The following ESRRG variants were observed in gnomAD, a reference collection of about 807,000 sequenced individuals.
ESRRG encodes estrogen related receptor gamma, also known as estrogen-related receptor gamma.
A neutral mutation model predicts 44.0 loss-of-function variants in ESRRG; 13 were observed. That is an observed-to-expected ratio of 0.30 (90% CI 0.19 to 0.47). The LOEUF is 0.47. ESRRG is among the 20% of genes least tolerant of loss of function. ESRRG has a pLI of 1.00. For missense variants in ESRRG, 395 were observed against 580.6 expected, an observed-to-expected ratio of 0.68 and a Z score of 3.29; for synonymous variants, 215 against 214.6, an observed-to-expected ratio of 1.00 and a Z score of -0.02.
At chr1:217,100,942 T>C (rs918637849) in intron 1 of ESRRG, among the ~76,000 whole-genome samples, 1 of 152,242 alleles carries the variant, frequency 6.6e-6, no homozygotes, top group Admixed American at 6.5e-5. Flanking sequence ...AGTCTTCCTC[T>C]ACTTTATGGC....
At chr1:216,567,411 G>T (rs544283475) in intron 4 of ESRRG, among the ~76,000 whole-genome samples, 8 of 151,948 alleles carry the variant, frequency 5.3e-5, no homozygotes, top group Non-Finnish European at 1.2e-4. Flanking sequence ...AATTCATACC[G>T]TCCATAAGGG....
At chr1:216,775,737 T>A (rs967846327) in intron 2 of ESRRG, among the ~76,000 whole-genome samples, 2 of 151,718 alleles carry the variant, frequency 1.3e-5, no homozygotes, top group African/African-American at 4.8e-5. Flanking sequence ...TTTATTTTTG[T>A]ATTTTTTTGT....
chr1:216,782,207 A>G (rs902281524), intron 2 of ESRRG, among the ~76,000 whole-genome samples: 1 of 152,110 alleles, frequency 6.6e-6, no homozygotes, highest in Non-Finnish European at 1.5e-5. Flanking sequence ...CTTACATACA[A>G]TAAGGCTGGT....
chr1:216,529,180 C>G (rs2048544639), intron 5 of ESRRG, among the ~76,000 whole-genome samples: 1 of 152,090 alleles, frequency 6.6e-6, no homozygotes, highest in Admixed American at 6.6e-5. Flanking sequence ...TGCAAATAAT[C>G]TGGGCAAGTC....
At chr1:217,064,385 A>G (rs1262190714) in intron 1 of ESRRG, among the ~76,000 whole-genome samples, 2 of 152,180 alleles carry the variant, frequency 1.3e-5, no homozygotes, top group African/African-American at 4.8e-5. Context: ...ATATAATTTG[A>G]TTCATTTTAT....
At chr1:216,928,383 T>C (rs1010214360) in intron 2 of ESRRG, among the ~76,000 whole-genome samples, 2 of 152,056 alleles carry the variant, frequency 1.3e-5, no homozygotes, top group African/African-American at 4.8e-5. Context: ...CAAGGGAAGG[T>C]TAAAAAGAGG....
At chr1:216,870,340 C>T (rs529596657) in intron 2 of ESRRG, among the ~76,000 whole-genome samples, 156 of 150,742 alleles carry the variant, frequency 1.0e-3, no homozygotes, top group Non-Finnish European at 1.8e-3. Flanking sequence ...ATAAACCTCA[C>T]TTTGTTATTA....
intron 5 of ESRRG, among the ~76,000 whole-genome samples, chr1:216,525,482 T>TG (rs1397444611): frequency 2.0e-5 from 3 of 149,786 alleles, no homozygotes; most frequent in African/African-American, 7.6e-5. Context: ...AGAAAAAATG[T>TG]GGGGGGGCAT....
At chr1:216,707,403 A>G in intron 1 of ESRRG, 1 of 1,535,990 alleles carries the variant, frequency 6.5e-7, no homozygotes, top group East Asian at 2.4e-5. Context: ...TGACTGCTCC[A>G]AGACCCCAAT....
intron 1 of ESRRG, among the ~76,000 whole-genome samples, chr1:217,062,927 T>C (rs1488903716): frequency 1.3e-5 from 2 of 152,168 alleles, no homozygotes; most frequent in South Asian, 4.1e-4. Context: ...AAAACAAGGA[T>C]AAGGTGCACG....
intron 3 of ESRRG, among the ~76,000 whole-genome samples, chr1:216,626,571 C>T (rs35079003): frequency 0.2 from 29,877 of 152,176 alleles, 3,743 homozygotes; most frequent in Non-Finnish European, 0.29. Flanking sequence ...TCTTGGGTGC[C>T]CTGGGGCAGT....
At chr1:216,946,966 C>T (rs1212332846) in intron 1 of ESRRG, among the ~76,000 whole-genome samples, 3 of 152,208 alleles carry the variant, frequency 2.0e-5, no homozygotes, top group South Asian at 2.1e-4. Context: ...TCCCTAAGTG[C>T]CATTACAGGT....
intron 1 of ESRRG, among the ~76,000 whole-genome samples, chr1:217,079,837 A>T (rs1304946720): frequency 2.0e-5 from 3 of 152,154 alleles, no homozygotes; most frequent in Non-Finnish European, 2.9e-5. Flanking sequence ...CATGGTCTCT[A>T]CCCTCAAGTG....
chr1:216,550,932 T>C (rs2056128992), intron 5 of ESRRG, among the ~76,000 whole-genome samples: 1 of 152,090 alleles, frequency 6.6e-6, no homozygotes, highest in African/African-American at 2.4e-5. Flanking sequence ...CTCAGTTTAG[T>C]CCACAGACTA....
chr1:216,732,493 C>T (rs1378428842), intron 2 of ESRRG, among the ~76,000 whole-genome samples: 1 of 151,860 alleles, frequency 6.6e-6, no homozygotes, highest in African/African-American at 2.4e-5. Flanking sequence ...TCTCTTGCCT[C>T]GGCCTCCAGA....
chr1:217,003,048 G>A (rs374740793), intron 1 of ESRRG, among the ~76,000 whole-genome samples: 1 of 152,122 alleles, frequency 6.6e-6, no homozygotes, highest in Admixed American at 6.6e-5. Flanking sequence ...TCATCAGTTA[G>A]CTACTGTTCA....
intron 1 of ESRRG, among the ~76,000 whole-genome samples, chr1:216,713,884 G>A (rs894912563): frequency 5.3e-5 from 8 of 152,216 alleles, no homozygotes; most frequent in Non-Finnish European, 1.0e-4. Flanking sequence ...CTTATTCAAA[G>A]CCTATCAGCA....
chr1:217,000,929 C>T (rs1003343000), intron 1 of ESRRG, among the ~76,000 whole-genome samples: 1 of 152,250 alleles, frequency 6.6e-6, no homozygotes, highest in African/African-American at 2.4e-5. Context: ...CAATGCCGTT[C>T]ACCGGCACCA....
At chr1:216,529,141 G>A (rs1419047772) in intron 5 of ESRRG, among the ~76,000 whole-genome samples, 2 of 152,032 alleles carry the variant, frequency 1.3e-5, no homozygotes. Flanking sequence ...TACCTGCTGT[G>A]GGAACCTGCA....
Sources: allele counts gnomAD v4.1 joint callset (sites outside exome capture counted in the v4.1 genomes callset), GRCh38; gene constraint gnomAD v4.1.1; transcripts MANE v1.5; gene names NCBI Gene and HGNC (gene_info 2026-07-23, HGNC 2026-07-21).